The following LRRTM4 variants were observed in gnomAD, a reference collection of about 807,000 sequenced individuals.
LRRTM4 encodes the protein leucine rich repeat transmembrane neuronal 4.
Under a neutral mutation model 47.6 loss-of-function variants are expected in LRRTM4, and 25 were observed. The ratio of observed to expected loss-of-function variants is 0.53; its 90% CI spans 0.38 to 0.73. LRRTM4 has a LOEUF of 0.73. LRRTM4 is among the 30% of genes least tolerant of loss of function. The probability of loss-of-function intolerance (pLI) is 0.00; values close to 1 mark genes in which losing one functional copy is unlikely to be tolerated. For synonymous variants in LRRTM4, 311 were observed against 269.5 expected, an observed-to-expected ratio of 1.15 and a Z score of -1.51; for missense variants, 638 against 713.4, an observed-to-expected ratio of 0.89 and a Z score of 1.20.
chr2:77,500,875 G>C (rs17595137), intron 3 of LRRTM4, among the ~76,000 whole-genome samples: 35,966 of 151,182 alleles, frequency 0.24, 4,954 homozygotes, highest in Non-Finnish European at 0.31. Flanking sequence ...ACTGTAATGA[G>C]AAAATGTCCA....
chr2:76,919,811 A>G (rs925609276), intron 3 of LRRTM4, among the ~76,000 whole-genome samples: 12 of 152,186 alleles, frequency 7.9e-5, no homozygotes, highest in Admixed American at 2.0e-4. Context: ...GTTAAAAAGT[A>G]TATCTTCTGA....
At chr2:77,136,823 A>G (rs1671958575) in intron 3 of LRRTM4, among the ~76,000 whole-genome samples, 1 of 151,990 alleles carries the variant, frequency 6.6e-6, no homozygotes, top group Non-Finnish European at 1.5e-5. Flanking sequence ...GAACTATGTG[A>G]TGAATGCACA....
intron 3 of LRRTM4, among the ~76,000 whole-genome samples, chr2:77,159,696 AG>A (rs1205438391): frequency 1.3e-5 from 2 of 151,966 alleles, no homozygotes; most frequent in Non-Finnish European, 2.9e-5. Context: ...GGGTGGGCAG[AG>A]GGGGAAGAGG....
intron 3 of LRRTM4, among the ~76,000 whole-genome samples, chr2:76,791,987 C>G (rs924736520): frequency 2.0e-5 from 3 of 152,162 alleles, no homozygotes; most frequent in Non-Finnish European, 4.4e-5. Context: ...TCATAAATTT[C>G]ATTACTTTCC....
At chr2:76,990,466 C>T (rs1558782224) in intron 3 of LRRTM4, among the ~76,000 whole-genome samples, 1 of 151,574 alleles carries the variant, frequency 6.6e-6, no homozygotes, top group African/African-American at 2.4e-5. Context: ...ATGTGTCAGG[C>T]AGATGGAAAA....
chr2:76,803,732 T>TAACA (rs1034530627), intron 3 of LRRTM4, among the ~76,000 whole-genome samples: 2 of 152,146 alleles, frequency 1.3e-5, no homozygotes, highest in Non-Finnish European at 2.9e-5. Context: ...TTACAAGGGT[T>TAACA]AACACTTGGC....
chr2:77,424,022 C>A (rs1417485119), intron 3 of LRRTM4, among the ~76,000 whole-genome samples: 1 of 151,900 alleles, frequency 6.6e-6, no homozygotes, highest in Non-Finnish European at 1.5e-5. Context: ...TATTTATTTT[C>A]TAAATTACCT....
In LRRTM4 at chr2:77,060,684, G is replaced by A. The variant is rs574677630; in HGVS notation, c.1552-311768C>T. On this transcript the variant is annotated intron_variant, in intron 3 of 3. Coordinates refer to ENST00000409884, the MANE Select transcript of LRRTM4 (RefSeq NM_001134745.3). ...TGTAATGCTGAATAGCTCTAGATCT[G>A]GAGTTTATGATTAAAATATGGCTTC... Among the ~76,000 whole-genome samples, 21 of 152,194 alleles carry A rather than the reference G, an allele frequency of 1.4e-4. No homozygotes were observed. In the South Asian group the frequency reaches 4.4e-3, roughly 32 times the overall value.
chr2:77,130,292 T>G (rs534560226), intron 3 of LRRTM4, among the ~76,000 whole-genome samples: 126 of 152,112 alleles, frequency 8.3e-4, no homozygotes, highest in Admixed American at 2.3e-3. Flanking sequence ...ATTACTCAAT[T>G]GTTCAGGTTA....
chr2:77,351,781 T>A (rs1437233988), intron 3 of LRRTM4, among the ~76,000 whole-genome samples: 1 of 151,882 alleles, frequency 6.6e-6, no homozygotes, highest in Non-Finnish European at 1.5e-5. Flanking sequence ...AGGGGCCAAG[T>A]AAAATGAGGA....
At chr2:76,985,640 T>A (rs1270948187) in intron 3 of LRRTM4, among the ~76,000 whole-genome samples, 1 of 152,014 alleles carries the variant, frequency 6.6e-6, no homozygotes, top group African/African-American at 2.4e-5. Context: ...TTGAAGTTTT[T>A]GTTAAGGAAT....
intron 3 of LRRTM4, among the ~76,000 whole-genome samples, chr2:76,993,374 T>C (rs1424586472): frequency 6.6e-6 from 1 of 151,918 alleles, no homozygotes; most frequent in Non-Finnish European, 1.5e-5. Flanking sequence ...GACAAAGATC[T>C]AATATCTAGA....
chr2:77,422,537 G>T (rs1044936051), intron 3 of LRRTM4, among the ~76,000 whole-genome samples: 1 of 152,168 alleles, frequency 6.6e-6, no homozygotes, highest in African/African-American at 2.4e-5. Flanking sequence ...TCAACCATTT[G>T]CAAGAGATGG....
intron 3 of LRRTM4, among the ~76,000 whole-genome samples, chr2:77,238,363 C>T (rs981046047): frequency 9.2e-5 from 14 of 151,880 alleles, no homozygotes; most frequent in African/African-American, 3.4e-4. Context: ...GGACACTTTC[C>T]CTTAAAAGAA....
intron 3 of LRRTM4, among the ~76,000 whole-genome samples, chr2:77,250,450 T>A (rs1050875464): frequency 6.6e-6 from 1 of 152,254 alleles, no homozygotes; most frequent in Middle Eastern, 3.4e-3. Context: ...TCTGTCCAAT[T>A]TTATAGTGAA....
At chr2:77,504,931 T>C (rs1041499529) in intron 3 of LRRTM4, among the ~76,000 whole-genome samples, 1 of 151,430 alleles carries the variant, frequency 6.6e-6, no homozygotes, top group Non-Finnish European at 1.5e-5. Context: ...CAGCATTGCA[T>C]CCAAAAGGGG....
At chr2:77,096,140 T>G (rs2103899835) in intron 3 of LRRTM4, among the ~76,000 whole-genome samples, 1 of 152,008 alleles carries the variant, frequency 6.6e-6, no homozygotes, top group Non-Finnish European at 1.5e-5. Flanking sequence ...CCCATAAATA[T>G]AATCATTTTT....
intron 3 of LRRTM4, among the ~76,000 whole-genome samples, chr2:77,189,159 T>A (rs910222736): frequency 6.6e-6 from 1 of 152,092 alleles, no homozygotes; most frequent in East Asian, 1.9e-4. Context: ...TAGTAATGAA[T>A]AAAAAGTAAA....
chr2:76,938,239 TA>T (rs1316950224), intron 3 of LRRTM4, among the ~76,000 whole-genome samples: 1 of 152,128 alleles, frequency 6.6e-6, no homozygotes, highest in African/African-American at 2.4e-5. Flanking sequence ...GAGATTAGAC[TA>T]GATATTTTGA....
Sources: gnomAD v4.1 joint callset for allele counts (sites outside exome capture counted in the v4.1 genomes callset) on GRCh38, gnomAD v4.1.1 for gene constraint, MANE v1.5 for transcripts, NCBI Gene and HGNC (gene_info 2026-07-23, HGNC 2026-07-21) for gene names.